EXOC6B: variants seen among roughly 807,000 people sequenced by gnomAD.
EXOC6B encodes SEC15 homolog B.
EXOC6B carries 54 observed loss-of-function variants against 113.5 expected under a neutral mutation model. The observed-to-expected ratio is 0.48, with a 90% CI of 0.38 to 0.60. The LOEUF is 0.60. Among genes scored for constraint, EXOC6B ranks in the 20% least tolerant of loss-of-function variants. The pLI is 0.00. For missense variants in EXOC6B, 797 were observed against 977.5 expected, an observed-to-expected ratio of 0.82 and a Z score of 2.46; for synonymous variants, 357 against 339.0, an observed-to-expected ratio of 1.05 and a Z score of -0.58.
At chr2:72,823,790 AAAG>A (rs1337708884) in intron 1 of EXOC6B, among the ~76,000 whole-genome samples, 85 of 152,290 alleles carry the variant, frequency 5.6e-4, no homozygotes, top group African/African-American at 1.8e-3. Context: ...CAAAAAAAAA[AAAG>A]AAGGATGGTT....
At chr2:72,467,710 A>G (rs1217863131) in intron 17 of EXOC6B, among the ~76,000 whole-genome samples, 2 of 152,040 alleles carry the variant, frequency 1.3e-5, no homozygotes, top group Admixed American at 6.6e-5. Context: ...AGTTCTTTAT[A>G]TATTCTAGAA....
intron 1 of EXOC6B, among the ~76,000 whole-genome samples, chr2:72,803,729 C>T (rs1180320314): frequency 6.6e-6 from 1 of 152,172 alleles, no homozygotes; most frequent in African/African-American, 2.4e-5. Context: ...GAAACTTTTA[C>T]TACTTAAAAG....
intron 18 of EXOC6B, among the ~76,000 whole-genome samples, chr2:72,408,285 A>T (rs1223045790): frequency 6.6e-6 from 1 of 152,202 alleles, no homozygotes; most frequent in African/African-American, 2.4e-5. Context: ...AAATGGCCAT[A>T]CTGCCCAAAG....
intron 6 of EXOC6B, among the ~76,000 whole-genome samples, chr2:72,647,465 T>A (rs1462318891): frequency 6.6e-6 from 1 of 152,198 alleles, no homozygotes; most frequent in Non-Finnish European, 1.5e-5. Flanking sequence ...ACAGCCTGCA[T>A]TGCCAAGACA....
At chr2:72,482,639 C>T (rs1484536361) in intron 16 of EXOC6B, among the ~76,000 whole-genome samples, 1 of 152,122 alleles carries the variant, frequency 6.6e-6, no homozygotes, top group African/African-American at 2.4e-5. Context: ...TCATATCAAG[C>T]TGTAGGATAT....
intron 20 of EXOC6B, among the ~76,000 whole-genome samples, chr2:72,214,893 GT>G (rs1223205619): frequency 6.6e-6 from 1 of 152,188 alleles, no homozygotes; most frequent in Admixed American, 6.5e-5. Flanking sequence ...AACAGTTGAG[GT>G]CATTGTTAAT....
intron 1 of EXOC6B, among the ~76,000 whole-genome samples, chr2:72,813,407 A>C (rs1435669852): frequency 6.6e-6 from 1 of 152,152 alleles, no homozygotes; most frequent in East Asian, 1.9e-4. Context: ...ATCAAATAAC[A>C]AAGTATACCA....
chr2:72,183,050 C>G (rs2104217079), intron 21 of EXOC6B: 1 of 431,594 alleles, frequency 2.3e-6, no homozygotes, highest in East Asian at 3.6e-5. Context: ...CATGCTCTTG[C>G]CTACCCTTCA....
intron 20 of EXOC6B, among the ~76,000 whole-genome samples, chr2:72,230,291 T>C (rs865804560): frequency 1.8e-4 from 27 of 152,182 alleles, no homozygotes; most frequent in Admixed American, 5.9e-4. Context: ...CTTTGATAAA[T>C]ATGAACTAAG....
At chr2:72,722,072 T>A (rs1680044851) in intron 5 of EXOC6B, 1 of 149,414 alleles carries the variant, frequency 6.7e-6, no homozygotes, top group South Asian at 2.1e-4. Flanking sequence ...TACTTACACA[T>A]ATAAATTATG....
intron 6 of EXOC6B, among the ~76,000 whole-genome samples, chr2:72,601,124 A>G (rs202218435): frequency 1.3e-3 from 185 of 138,664 alleles, no homozygotes; most frequent in African/African-American, 4.2e-3. Context: ...GTGTGTGTGT[A>G]TGTGTGTGTG....
At chr2:72,725,410 T>A (rs991923804) in intron 5 of EXOC6B, among the ~76,000 whole-genome samples, 4 of 151,972 alleles carry the variant, frequency 2.6e-5, no homozygotes, top group South Asian at 2.1e-4. Flanking sequence ...TTTTTTTTTT[T>A]AAACAGACTC....
chr2:72,682,959 TG>T lies in EXOC6B; in HGVS notation c.669+35143del, dbSNP rs565504353. 1.0e-3 allele frequency among the ~76,000 whole-genome samples: 152 copies of T among 152,318 alleles called. 1 individual carries two copies. Among genetic ancestry groups the T allele is most frequent in the South Asian group, 6.2e-3 (30 of 4,824 alleles). ...CTGTGGAACAACATTTAAAAGCCAC[TG>T]GAAAAGTTGTCTATTCCTAACTCCA... On this transcript the variant is annotated intron_variant, in intron 6 of 21. Transcript: ENST00000272427.
chr2:72,252,894 A>G (rs535246285), intron 20 of EXOC6B, among the ~76,000 whole-genome samples: 48 of 152,218 alleles, frequency 3.2e-4, no homozygotes, highest in Non-Finnish European at 6.0e-4. Flanking sequence ...ATCACAGATC[A>G]CAATACTGGA....
intron 1 of EXOC6B, among the ~76,000 whole-genome samples, chr2:72,822,240 C>T (rs1236008350): frequency 6.6e-6 from 1 of 152,152 alleles, no homozygotes; most frequent in East Asian, 1.9e-4. Context: ...ATTTTAAAAA[C>T]AGGACAGGCA....
At chr2:72,200,328 C>T (rs1300620081) in intron 20 of EXOC6B, among the ~76,000 whole-genome samples, 1 of 152,160 alleles carries the variant, frequency 6.6e-6, no homozygotes. Flanking sequence ...ATCTAATGTC[C>T]CTCCAGCTCT....
rs61548343 is a variant in EXOC6B, at chr2:72,630,678, C to A, written c.670-55010G>T. On this transcript the variant is annotated intron_variant, in intron 6 of 21. Transcript: ENST00000272427. ...TTTTCATTCCAAAAAGAAAAAAAAA[C>A]TTTCTACATTTTTAAAAACAATAAT... Among the ~76,000 whole-genome samples, 511 of 151,910 alleles carry A rather than the reference C, an allele frequency of 3.4e-3. 2 individuals are homozygous for A. Among genetic ancestry groups the A allele is most frequent in the African/African-American group, 0.012 (487 of 41,478 alleles).
chr2:72,372,438 T>C (rs1691086056), intron 19 of EXOC6B, among the ~76,000 whole-genome samples: 1 of 152,058 alleles, frequency 6.6e-6, no homozygotes, highest in Non-Finnish European at 1.5e-5. Context: ...GCTATAGTAA[T>C]AACAACAGCA....
At chr2:72,207,968 G>T (rs906382490) in intron 20 of EXOC6B, among the ~76,000 whole-genome samples, 6 of 152,044 alleles carry the variant, frequency 3.9e-5, no homozygotes, top group African/African-American at 1.4e-4. Flanking sequence ...TCATTTTTCG[G>T]TTCAAACACC....
Sources: gnomAD v4.1 joint callset for allele counts (sites outside exome capture counted in the v4.1 genomes callset) on GRCh38, gnomAD v4.1.1 for gene constraint, MANE v1.5 for transcripts, NCBI Gene and HGNC (gene_info 2026-07-23, HGNC 2026-07-21) for gene names.